Variants in TPH2 observed in about 807,000 individuals in gnomAD.
TPH2 encodes the protein tryptophan 5-hydroxylase 2.
TPH2 carries 27 observed loss-of-function variants against 59.1 expected under a neutral mutation model. The ratio of observed to expected loss-of-function variants is 0.46; its 90% CI spans 0.34 to 0.63. The LOEUF (loss-of-function observed/expected upper bound fraction) is 0.63, where lower values mean the gene tolerates loss of function less well. TPH2 is among the 30% of genes least tolerant of loss of function. The probability of loss-of-function intolerance (pLI) is 0.01; values close to 1 mark genes in which losing one functional copy is unlikely to be tolerated. For synonymous variants in TPH2, 220 were observed against 210.5 expected (o/e 1.05, Z -0.39); for missense variants, 523 against 588.3 (o/e 0.89, Z 1.15).
chr12:72,012,354 C>T (rs925723282), intron 8 of TPH2, among the ~76,000 whole-genome samples: 2 of 152,028 alleles, frequency 1.3e-5, no homozygotes, highest in African/African-American at 2.4e-5. Context: ...CAGATGGACA[C>T]GAATCAGACG....
intron 5 of TPH2, among the ~76,000 whole-genome samples, chr12:71,951,702 A>AAG: frequency 6.7e-6 from 1 of 149,040 alleles, no homozygotes; most frequent in East Asian, 2.0e-4. Flanking sequence ...GTGTGTGTGC[A>AAG]TGTGTGTGTG....
intron 8 of TPH2, among the ~76,000 whole-genome samples, chr12:72,016,186 A>T (rs1355549482): frequency 6.6e-6 from 1 of 152,196 alleles, no homozygotes; most frequent in Non-Finnish European, 1.5e-5. Context: ...GGGCAGTAAG[A>T]TAACATATGT....
At chr12:71,955,568 G>A (rs1592385386) in intron 5 of TPH2, among the ~76,000 whole-genome samples, 1 of 152,152 alleles carries the variant, frequency 6.6e-6, no homozygotes, top group East Asian at 1.9e-4. Flanking sequence ...AGTGACCTGG[G>A]CAAATTGTTT....
At chr12:72,029,731 A>G (rs1191038696) in intron 9 of TPH2, among the ~76,000 whole-genome samples, 1 of 152,126 alleles carries the variant, frequency 6.6e-6, no homozygotes, top group African/African-American at 2.4e-5. Flanking sequence ...TCATATATGC[A>G]TTTATCTGGA....
chr12:72,026,616 G>A (rs991050669), intron 9 of TPH2, among the ~76,000 whole-genome samples: 1 of 152,106 alleles, frequency 6.6e-6, no homozygotes, highest in Non-Finnish European at 1.5e-5. Flanking sequence ...GATGACTTTC[G>A]AGTCCCTTCC....
At position 71,964,341 on chromosome 12, in the gene TPH2, G is replaced by A. The variant is rs1871755559; in HGVS notation, c.609-8178G>A. The A allele has an allele frequency of 2.5e-5, 2 of 80,220 alleles. 1 individual carries two copies. Among genetic ancestry groups the A allele is most frequent in the Non-Finnish European group, 5.5e-5 (2 of 36,674 alleles). 5.0% of individuals were successfully genotyped at this position (80,220 alleles called of 1,614,324 possible). A position where few individuals can be genotyped will look rare whatever the true frequency, so the allele number is the denominator to read the frequency against. On this transcript the variant is annotated intron_variant, in intron 5 of 10. Coordinates refer to ENST00000333850, the MANE Select transcript of TPH2 (RefSeq NM_173353.4). ...TCTGTCGTCCAGGCTGAGGTACAGT[G>A]GCACGATCTCAGCTCACTACAACCT...
At chr12:72,006,013 G>A (rs897572842) in intron 8 of TPH2, among the ~76,000 whole-genome samples, 2 of 152,124 alleles carry the variant, frequency 1.3e-5, no homozygotes, top group African/African-American at 4.8e-5. Context: ...TACTCATACT[G>A]TTAGGGTGTA....
Position 71,944,277 on chromosome 12 carries a change from T to G in TPH2, c.256-17T>G, listed in dbSNP as rs752855504. The G allele has an allele frequency of 3.7e-6, 6 of 1,613,476 alleles. No individual in the cohort carries two copies. The African/African-American group carries it at 8.0e-5, about 22-fold the overall frequency. ...ATTGTCCCTGAAGGTGATTTTCAGATGCTCGTGTTTCCACAGGAAAAACGT... is the reference window on the plus strand; with the variant it reads ...ATTGTCCCTGAAGGTGATTTTCAGAGGCTCGTGTTTCCACAGGAAAAACGT... On this transcript the variant is annotated splice_polypyrimidine_tract_variant and intron_variant, in intron 2 of 10. Transcript: ENST00000333850.
intron 5 of TPH2, among the ~76,000 whole-genome samples, chr12:71,959,778 A>C (rs977248044): frequency 2.0e-5 from 3 of 152,100 alleles, no homozygotes; most frequent in Admixed American, 2.0e-4. Context: ...ATGCTTTCTT[A>C]ACAGGGAAAA....
At chr12:71,941,776 TG>T in intron 2 of TPH2, 43 bp downstream of exon 2, 1 of 1,580,242 alleles carries the variant, frequency 6.3e-7, no homozygotes, top group South Asian at 1.1e-5. Flanking sequence ...AGTGACCGTG[TG>T]CCTGGGTACA....
At chr12:71,961,085 C>T (rs1469536377) in intron 5 of TPH2, among the ~76,000 whole-genome samples, 1 of 152,140 alleles carries the variant, frequency 6.6e-6, no homozygotes, top group Non-Finnish European at 1.5e-5. Context: ...GGAGGCCAAA[C>T]CTTGATGCTA....
intron 4 of TPH2, among the ~76,000 whole-genome samples, chr12:71,946,394 T>C (rs1024811760): frequency 6.6e-6 from 1 of 152,162 alleles, no homozygotes. Flanking sequence ...GGAACAACCA[T>C]AGGAACCACT....
chr12:71,986,835 T>C (rs952804824), intron 7 of TPH2, among the ~76,000 whole-genome samples: 2 of 152,186 alleles, frequency 1.3e-5, no homozygotes, highest in African/African-American at 4.8e-5. Flanking sequence ...TGTGGAAGAC[T>C]GAGATGACCA....
intron 5 of TPH2, among the ~76,000 whole-genome samples, 158 bp downstream of exon 5, chr12:71,949,813 G>A (rs952217307): frequency 1.8e-4 from 28 of 152,252 alleles, no homozygotes; most frequent in African/African-American, 6.7e-4. Flanking sequence ...TGCCAACACT[G>A]ATGTTTGACA....
chr12:72,027,272 C>G (rs1182347607), intron 9 of TPH2, among the ~76,000 whole-genome samples: 3 of 152,078 alleles, frequency 2.0e-5, no homozygotes, highest in Non-Finnish European at 4.4e-5. Context: ...GTTTCAGACC[C>G]CTGAGGGAGA....
intron 2 of TPH2, among the ~76,000 whole-genome samples, chr12:71,942,014 A>G (rs7954758): frequency 0.097 from 14,839 of 152,250 alleles, 843 homozygotes; most frequent in South Asian, 0.18. Context: ...TGAGCTTCAC[A>G]CCTGAAAATG....
At chr12:71,968,688 T>C (rs75106023) in intron 5 of TPH2, among the ~76,000 whole-genome samples, 17 of 152,260 alleles carry the variant, frequency 1.1e-4, no homozygotes, top group Non-Finnish European at 2.4e-4. Context: ...GGAAAGAAAC[T>C]GCCCTTTCCC....
At chr12:71,941,130 A>C (rs1871050130) in intron 1 of TPH2, among the ~76,000 whole-genome samples, 1 of 152,192 alleles carries the variant, frequency 6.6e-6, no homozygotes, top group Non-Finnish European at 1.5e-5. Context: ...TTTTGTTTTT[A>C]AAATTTAATT....
chr12:71,944,247 CTT>C (rs1871144490), intron 2 of TPH2, 45 bp from the exon 3 acceptor site: 1 of 1,607,776 alleles, frequency 6.2e-7, no homozygotes, highest in Non-Finnish European at 8.5e-7. Flanking sequence ...CATGGCATTC[CTT>C]TTATTGTCCC....
Sources: allele counts gnomAD v4.1 joint callset (sites outside exome capture counted in the v4.1 genomes callset), GRCh38; gene constraint gnomAD v4.1.1; transcripts MANE v1.5; gene names NCBI Gene and HGNC (gene_info 2026-07-23, HGNC 2026-07-21).